Variants in WWOX observed in about 807,000 individuals in gnomAD.
The protein encoded by WWOX is WW domain-containing oxidoreductase.
A neutral mutation model predicts 46.2 loss-of-function variants in WWOX; 69 were observed. The ratio of observed to expected loss-of-function variants is 1.49; its 90% CI spans 1.23 to 1.82. The LOEUF (loss-of-function observed/expected upper bound fraction) is 1.82. WWOX is among the 40% of genes most tolerant of loss of function. The pLI, the probability that WWOX is intolerant of heterozygous loss-of-function variation, is 0.00. For missense variants in WWOX, 919 were observed against 542.6 expected, an observed-to-expected ratio of 1.69 and a Z score of -6.89; for synonymous variants, 359 against 202.6, an observed-to-expected ratio of 1.77 and a Z score of -6.56.
chr16:78,653,824 CA>C (rs1392097395), intron 8 of WWOX, among the ~76,000 whole-genome samples: 1 of 152,170 alleles, frequency 6.6e-6, no homozygotes, highest in Non-Finnish European at 1.5e-5. Flanking sequence ...TGGCCAAAAC[CA>C]CAGTAACTTT....
At chr16:78,830,312 A>ATG (rs1567589988) in intron 8 of WWOX, among the ~76,000 whole-genome samples, 3 of 151,936 alleles carry the variant, frequency 2.0e-5, no homozygotes, top group South Asian at 4.2e-4. Context: ...AAGCATATTT[A>ATG]TATATATACA....
chr16:78,677,577 C>A (rs535020965), intron 8 of WWOX, among the ~76,000 whole-genome samples: 2 of 152,266 alleles, frequency 1.3e-5, no homozygotes, highest in East Asian at 1.9e-4. Flanking sequence ...GACATGCAAC[C>A]CCCAAAACTC....
intron 5 of WWOX, among the ~76,000 whole-genome samples, chr16:78,384,845 T>C (rs927257706): frequency 1.3e-5 from 2 of 152,126 alleles, no homozygotes; most frequent in African/African-American, 4.8e-5. Flanking sequence ...TCCTTAAAAC[T>C]AGGCTTTGTG....
chr16:79,127,949 C>T (rs2049794074), intron 8 of WWOX, among the ~76,000 whole-genome samples: 1 of 152,106 alleles, frequency 6.6e-6, no homozygotes, highest in African/African-American at 2.4e-5. Context: ...GTCCACATGA[C>T]AGTTACGCAA....
At position 79,143,476 on chromosome 16, in the gene WWOX, C is replaced by T. The variant is rs568258238; in HGVS notation, c.1057-68132C>T. Among the ~76,000 whole-genome samples the T allele has an allele frequency of 3.9e-5, 6 of 152,234 alleles. No individual in the cohort carries two copies. The South Asian group carries it at 8.3e-4, about 21-fold the overall frequency. On this transcript the variant is annotated intron_variant, in intron 8 of 8. Coordinates refer to ENST00000566780, the MANE Select transcript of WWOX (RefSeq NM_016373.4). Reference sequence around the variant, plus strand: ...CTGTGGCTCGGCTAAGTGGATTCTTCGACTTTAATAGATTTTACTAGCTAG... The same window carrying T: ...CTGTGGCTCGGCTAAGTGGATTCTTTGACTTTAATAGATTTTACTAGCTAG...
intron 8 of WWOX, among the ~76,000 whole-genome samples, chr16:78,661,473 A>G (rs1050885611): frequency 6.6e-6 from 1 of 152,066 alleles, no homozygotes; most frequent in Non-Finnish European, 1.5e-5. Flanking sequence ...ACAAAGTGGG[A>G]TTGAACAGTT....
chr16:78,423,359 G>T, intron 6 of WWOX, among the ~76,000 whole-genome samples: 1 of 151,948 alleles, frequency 6.6e-6, no homozygotes, highest in Admixed American at 6.6e-5. Context: ...CTATCATATG[G>T]ATATATTCTA....
At chr16:78,905,995 T>C (rs2044953537) in intron 8 of WWOX, among the ~76,000 whole-genome samples, 1 of 152,140 alleles carries the variant, frequency 6.6e-6, no homozygotes, top group African/African-American at 2.4e-5. Flanking sequence ...CTTAGTAATA[T>C]TTTGATAAGT....
At chr16:78,746,903 G>A (rs2049360661) in intron 8 of WWOX, among the ~76,000 whole-genome samples, 1 of 152,104 alleles carries the variant, frequency 6.6e-6, no homozygotes, top group African/African-American at 2.4e-5. Context: ...TATTTTGGCA[G>A]TAGCTGATGA....
chr16:78,546,817 C>T (rs1441997271), intron 8 of WWOX, among the ~76,000 whole-genome samples: 1 of 152,096 alleles, frequency 6.6e-6, no homozygotes, highest in South Asian at 2.1e-4. Context: ...CTGGGCACAA[C>T]AGTAGTTGTT....
intron 4 of WWOX, among the ~76,000 whole-genome samples, chr16:78,159,672 G>GTTTTTTTTTTTTTTTTT (rs35468343): frequency 3.6e-5 from 2 of 55,380 alleles, no homozygotes; most frequent in African/African-American, 1.4e-4. Flanking sequence ...AAAATCTGTG[G>GTTTTTTTTTTTTTTTTT]TTTTTTTTTT....
intron 8 of WWOX, among the ~76,000 whole-genome samples, chr16:78,828,499 C>T (rs1247154719): frequency 1.3e-5 from 2 of 151,956 alleles, no homozygotes; most frequent in East Asian, 3.9e-4. Context: ...CAGCACTGCA[C>T]TGGGCATTTT....
chr16:78,410,154 C>T (rs976148771), intron 6 of WWOX, among the ~76,000 whole-genome samples: 1 of 152,186 alleles, frequency 6.6e-6, no homozygotes, highest in Non-Finnish European at 1.5e-5. Context: ...TGCCTACTCC[C>T]CTTTTGCCTT....
intron 8 of WWOX, among the ~76,000 whole-genome samples, chr16:78,918,032 C>T (rs1275927394): frequency 6.6e-6 from 1 of 151,900 alleles, no homozygotes; most frequent in South Asian, 2.1e-4. Context: ...TGAGACCCCA[C>T]CTCTACAAAA....
chr16:79,072,223 C>T (rs1183109158), intron 8 of WWOX, among the ~76,000 whole-genome samples: 1 of 152,120 alleles, frequency 6.6e-6, no homozygotes, highest in Non-Finnish European at 1.5e-5. Flanking sequence ...GGGGTTGAGG[C>T]TGCAGTGAGC....
chr16:78,679,983 C>G (rs1276463635), intron 8 of WWOX, among the ~76,000 whole-genome samples: 2 of 152,214 alleles, frequency 1.3e-5, no homozygotes, highest in Non-Finnish European at 2.9e-5. Flanking sequence ...AGGACCCCAG[C>G]CCTACCACTA....
At chr16:79,137,958 T>G (rs2050015362) in intron 8 of WWOX, among the ~76,000 whole-genome samples, 1 of 152,148 alleles carries the variant, frequency 6.6e-6, no homozygotes, top group Non-Finnish European at 1.5e-5. Flanking sequence ...AGGATGAAAT[T>G]GGTAAAAATA....
At chr16:78,744,016 T>C (rs148601550) in intron 8 of WWOX, among the ~76,000 whole-genome samples, 2 of 152,310 alleles carry the variant, frequency 1.3e-5, no homozygotes, top group Non-Finnish European at 1.5e-5. Context: ...ATGCGTTTTG[T>C]CCAATTCTTT....
intron 8 of WWOX, among the ~76,000 whole-genome samples, chr16:78,881,093 G>A (rs1310759477): frequency 6.6e-6 from 1 of 150,426 alleles, no homozygotes; most frequent in African/African-American, 2.4e-5. Flanking sequence ...CTGGGCGCAA[G>A]TGATCCTCCT....
Sources: gnomAD v4.1 joint callset for allele counts (sites outside exome capture counted in the v4.1 genomes callset) on GRCh38, gnomAD v4.1.1 for gene constraint, MANE v1.5 for transcripts, NCBI Gene and HGNC (gene_info 2026-07-23, HGNC 2026-07-21) for gene names.